PLPP4: variants seen among roughly 807,000 people sequenced by gnomAD.
PLPP4 encodes the protein phospholipid phosphatase 4.
A neutral mutation model predicts 32.2 loss-of-function variants in PLPP4; 20 were observed. The observed-to-expected ratio is 0.62, with a 90% confidence interval of 0.44 to 0.90. PLPP4 has a LOEUF of 0.90. PLPP4 is among the 40% of genes least tolerant of loss of function. The probability of loss-of-function intolerance (pLI) is 0.00; values close to 1 mark genes in which losing one functional copy is unlikely to be tolerated. For synonymous variants in PLPP4, 127 were observed against 133.0 expected (o/e 0.95, Z 0.31); for missense variants, 257 against 353.1 (o/e 0.73, Z 2.18).
chr10:120,569,962 A>G (rs1407831288), intron 5 of PLPP4, among the ~76,000 whole-genome samples: 1 of 152,214 alleles, frequency 6.6e-6, no homozygotes, highest in East Asian at 1.9e-4. Context: ...TGCTCTATTT[A>G]AAGAGAACAC....
intron 1 of PLPP4, among the ~76,000 whole-genome samples, chr10:120,481,390 A>G (rs1018251798): frequency 6.6e-6 from 1 of 152,222 alleles, no homozygotes; most frequent in African/African-American, 2.4e-5. Flanking sequence ...CTCAGTTCCT[A>G]GAATGGAAAG....
At chr10:120,485,465 C>T (rs1844403759) in intron 1 of PLPP4, among the ~76,000 whole-genome samples, 1 of 152,214 alleles carries the variant, frequency 6.6e-6, no homozygotes. Context: ...GACCTACTTC[C>T]AGCCCAGGCC....
rs907402633 is a variant in PLPP4 at position 120,528,200 on chromosome 10, A to G, written c.445+7105A>G. Among the ~76,000 whole-genome samples, 3 of 143,742 alleles carry G rather than the reference A, an allele frequency of 2.1e-5. No individual in the cohort carries two copies. In the Admixed American group the frequency reaches 2.3e-4, roughly 11 times the overall value. 94.3% of individuals were successfully genotyped at this position (143,742 alleles called of 152,430 possible). A position where few individuals can be genotyped will look rare whatever the true frequency, so the allele number is the denominator to read the frequency against. On this transcript the variant is annotated intron_variant, in intron 5 of 6. Transcript: ENST00000398250. The stretch of plus-strand genomic sequence containing the variant: ...CGCCATTCTCCTGCCTCCGCCTCCC[A>G]AGTAGCTGGGACTACAGGCGCCTGC...
intron 1 of PLPP4, among the ~76,000 whole-genome samples, chr10:120,474,824 A>G (rs1185466432): frequency 2.0e-5 from 3 of 152,314 alleles, no homozygotes; most frequent in East Asian, 1.9e-4. Flanking sequence ...AGTTAAGGCA[A>G]TTTACTCCTT....
chr10:120,506,746 G>T (rs561220255), intron 2 of PLPP4, among the ~76,000 whole-genome samples: 51 of 152,298 alleles, frequency 3.3e-4, no homozygotes, highest in African/African-American at 1.2e-3. Context: ...CAGAGTAAAT[G>T]GTAATAATGT....
intron 1 of PLPP4, among the ~76,000 whole-genome samples, chr10:120,493,654 T>TC (rs901317533): frequency 6.6e-5 from 10 of 151,620 alleles, no homozygotes; most frequent in East Asian, 5.8e-4. Context: ...CACTCACCAA[T>TC]CCCCCCCCAT....
chr10:120,496,819 T>A (rs151282073), intron 1 of PLPP4, among the ~76,000 whole-genome samples: 7 of 152,238 alleles, frequency 4.6e-5, no homozygotes, highest in African/African-American at 1.7e-4. Flanking sequence ...TTAAGTCATG[T>A]TGAGCTATGG....
chr10:120,510,656 C>T (rs1845688252), intron 2 of PLPP4, among the ~76,000 whole-genome samples: 3 of 152,228 alleles, frequency 2.0e-5, no homozygotes, highest in South Asian at 2.1e-4. Context: ...GGTGCTTACT[C>T]GCCTCATTCC....
At chr10:120,581,210 G>A (rs1849495010) in intron 6 of PLPP4, 43 of 985,400 alleles carry the variant, frequency 4.4e-5, no homozygotes, top group Non-Finnish European at 5.2e-5. Flanking sequence ...TTGCTCCCAA[G>A]TCTCACTGGC....
At chr10:120,550,314 A>G (rs1847830872) in intron 5 of PLPP4, among the ~76,000 whole-genome samples, 1 of 152,028 alleles carries the variant, frequency 6.6e-6, no homozygotes, top group African/African-American at 2.4e-5. Context: ...AGTGGAAAGT[A>G]TACCATATTC....
At chr10:120,564,192 A>G (rs1276044171) in intron 5 of PLPP4, among the ~76,000 whole-genome samples, 1 of 151,928 alleles carries the variant, frequency 6.6e-6, no homozygotes, top group Non-Finnish European at 1.5e-5. Flanking sequence ...TTAATTCTGG[A>G]TATTTCTAAT....
At chr10:120,582,410 C>T (rs1195139524) in intron 6 of PLPP4, among the ~76,000 whole-genome samples, 1 of 152,160 alleles carries the variant, frequency 6.6e-6, no homozygotes, top group Non-Finnish European at 1.5e-5. Flanking sequence ...GGGTGTCTGT[C>T]TCTGTGTCCA....
In PLPP4 at chr10:120,568,735, T is replaced by C. The variant is rs926338833; in HGVS notation, c.446-6396T>C. Among the ~76,000 whole-genome samples the C allele has an allele frequency of 2.0e-5, 3 of 152,250 alleles. 1 individual carries two copies. Among genetic ancestry groups the C allele is most frequent in the South Asian group, 4.1e-4 (2 of 4,838 alleles). ...ATTTTTATATTTATGTTTCAGATCATTGTGGCATATAATCAAAGGAAAAGT... is the reference window on the plus strand; with the variant it reads ...ATTTTTATATTTATGTTTCAGATCACTGTGGCATATAATCAAAGGAAAAGT... On this transcript the variant is annotated intron_variant, in intron 5 of 6. Coordinates refer to ENST00000398250, the MANE Select transcript of PLPP4 (RefSeq NM_001030059.3).
chr10:120,533,769 T>G (rs1042365284), intron 5 of PLPP4, among the ~76,000 whole-genome samples: 3 of 152,142 alleles, frequency 2.0e-5, no homozygotes, highest in African/African-American at 7.2e-5. Flanking sequence ...CAAATATATA[T>G]TCCTAGAATT....
intron 5 of PLPP4, among the ~76,000 whole-genome samples, chr10:120,526,266 C>T (rs1446219990): frequency 2.6e-5 from 4 of 151,990 alleles, no homozygotes; most frequent in East Asian, 1.9e-4. Context: ...CTTTGTTTGC[C>T]GGTTTCATGT....
intron 2 of PLPP4, among the ~76,000 whole-genome samples, chr10:120,505,433 T>C (rs1380485871): frequency 6.6e-6 from 1 of 152,230 alleles, no homozygotes; most frequent in Non-Finnish European, 1.5e-5. Context: ...AGTTTGAAGG[T>C]TATTCCTGTT....
At chr10:120,523,017 G>A (rs113629439) in intron 5 of PLPP4, among the ~76,000 whole-genome samples, 2,660 of 152,298 alleles carry the variant, frequency 0.017, 36 homozygotes, top group South Asian at 0.05. Flanking sequence ...GAAAGGATCG[G>A]CCAGGTGCAG....
intron 5 of PLPP4, among the ~76,000 whole-genome samples, chr10:120,560,341 AAAAG>A (rs1429585599): frequency 0.19 from 28,960 of 149,214 alleles, 2,525 homozygotes; most frequent in Admixed American, 0.22. Flanking sequence ...AAAAAAAAAA[AAAAG>A]AAAGAAAAAA....
intron 3 of PLPP4, among the ~76,000 whole-genome samples, chr10:120,517,638 C>G (rs770536985): frequency 2.6e-5 from 4 of 152,220 alleles, no homozygotes; most frequent in Admixed American, 2.0e-4. Flanking sequence ...CCCCATCTCA[C>G]ACTTAGGTGA....
Sources: gnomAD v4.1 joint callset for allele counts (sites outside exome capture counted in the v4.1 genomes callset) on GRCh38, gnomAD v4.1.1 for gene constraint, MANE v1.5 for transcripts, NCBI Gene and HGNC (gene_info 2026-07-23, HGNC 2026-07-21) for gene names.